Variants in AK4 observed in about 807,000 individuals in gnomAD.
AK4 encodes adenylate kinase 4, mitochondrial.
A neutral mutation model predicts 24.6 loss-of-function variants in AK4; 13 were observed. That is an observed-to-expected ratio of 0.53 (90% CI 0.34 to 0.84). AK4 has a LOEUF of 0.84. Among genes scored for constraint, AK4 ranks in the 40% least tolerant of loss-of-function variants. The pLI is 0.01. For missense variants in AK4, 192 were observed against 288.2 expected, an observed-to-expected ratio of 0.67 and a Z score of 2.42; for synonymous variants, 88 against 107.0, an observed-to-expected ratio of 0.82 and a Z score of 1.10.
At chr1:65,169,889 G>A (rs1307807217) in intron 1 of AK4, among the ~76,000 whole-genome samples, 1 of 151,984 alleles carries the variant, frequency 6.6e-6, no homozygotes, top group Non-Finnish European at 1.5e-5. Context: ...TCGGTTTTGT[G>A]TGTGTGTGTG....
chr1:65,224,714 C>G, intron 3 of AK4, 38 bp from the exon 4 acceptor site: 2 of 1,556,536 alleles, frequency 1.3e-6, no homozygotes, highest in East Asian at 2.3e-5. Context: ...AATGGCCCAA[C>G]TGTTGTCTAT....
chr1:65,150,240 T>C (rs2100973214), intron 1 of AK4, among the ~76,000 whole-genome samples: 1 of 151,940 alleles, frequency 6.6e-6, no homozygotes, highest in East Asian at 1.9e-4. Context: ...CTTTGAAAAT[T>C]TTCCATTTGC....
At chr1:65,204,403 A>G (rs1259334647) in intron 2 of AK4, among the ~76,000 whole-genome samples, 1 of 151,904 alleles carries the variant, frequency 6.6e-6, no homozygotes, top group Non-Finnish European at 1.5e-5. Context: ...GTTTCACCAT[A>G]TTGGGCAGGC....
At chr1:65,174,184 C>G (rs1650634212) in intron 1 of AK4, among the ~76,000 whole-genome samples, 1 of 152,082 alleles carries the variant, frequency 6.6e-6, no homozygotes, top group South Asian at 2.1e-4. Context: ...CCAAATAAAC[C>G]CTAGCCTTAC....
At chr1:65,151,193 G>A (rs2100975166) in intron 1 of AK4, among the ~76,000 whole-genome samples, 1 of 152,040 alleles carries the variant, frequency 6.6e-6, no homozygotes, top group South Asian at 2.1e-4. Context: ...TCGCGAACTC[G>A]GGACCTTAGA....
At chr1:65,159,379 C>G (rs1031387458) in intron 1 of AK4, among the ~76,000 whole-genome samples, 1 of 152,214 alleles carries the variant, frequency 6.6e-6, no homozygotes, top group South Asian at 2.1e-4. Context: ...CTAACTTGGT[C>G]AGGTACAGTG....
At chr1:65,149,382 C>T (rs951758545) in intron 1 of AK4, among the ~76,000 whole-genome samples, 1 of 152,170 alleles carries the variant, frequency 6.6e-6, no homozygotes, top group African/African-American at 2.4e-5. Context: ...CCCCTCTCCT[C>T]CCACTCCACG....
intron 1 of AK4, among the ~76,000 whole-genome samples, chr1:65,171,597 G>A (rs1020033079): frequency 6.6e-6 from 1 of 152,026 alleles, no homozygotes; most frequent in African/African-American, 2.4e-5. Context: ...GAGCCACTGT[G>A]CCCAGCCAAT....
At chr1:65,222,639 A>G (rs1652332596) in intron 3 of AK4, among the ~76,000 whole-genome samples, 2 of 152,208 alleles carry the variant, frequency 1.3e-5, no homozygotes, top group Non-Finnish European at 2.9e-5. Flanking sequence ...TAGAGGTAAT[A>G]TATTCTCCCA....
intron 2 of AK4, among the ~76,000 whole-genome samples, chr1:65,191,633 G>T (rs1440964581): frequency 6.6e-6 from 1 of 151,762 alleles, no homozygotes; most frequent in Non-Finnish European, 1.5e-5. Flanking sequence ...GCAAGCAGAG[G>T]TTGGCAGAGG....
intron 1 of AK4, among the ~76,000 whole-genome samples, chr1:65,181,374 C>T (rs1244251838): frequency 6.6e-6 from 1 of 151,246 alleles, no homozygotes; most frequent in African/African-American, 2.4e-5. Flanking sequence ...CATAAACCAG[C>T]AGGCTCCTAA....
rs900118172 is a variant in AK4, at chr1:65,197,668, G to A, written c.265+6839G>A. On this transcript the variant is annotated intron_variant, in intron 2 of 4. Coordinates refer to ENST00000327299, the MANE Select transcript of AK4 (RefSeq NM_013410.4). Reference sequence around the variant, plus strand: ...TCAGACTTGAGATGTTCCTGGCTACGCACTCACTTAGAGCCCTTGGTGTAG... The same window carrying A: ...TCAGACTTGAGATGTTCCTGGCTACACACTCACTTAGAGCCCTTGGTGTAG... Among the ~76,000 whole-genome samples, 5 of 152,302 alleles carry A rather than the reference G, an allele frequency of 3.3e-5. No individual in the cohort carries two copies. In the South Asian group the frequency reaches 6.2e-4, roughly 19 times the overall value.
rs772190068 is a variant in AK4 at position 65,148,458 on chromosome 1, C to T, written c.51C>T (p.Gly17=). The part of the protein sequence containing the change: ...RAVILGPPGS[G]KGTVCQRIAQ... ...TCATCCTCGGGCCGCCCGGCTCGGGCAAGGGCACCGTGTGCCAGAGGATCG... is the reference window on the plus strand; with the variant it reads ...TCATCCTCGGGCCGCCCGGCTCGGGTAAGGGCACCGTGTGCCAGAGGATCG... Residue 17 remains glycine (G), a synonymous_variant, in exon 1 of 5, where the codon GGC becomes GGT. Coordinates refer to ENST00000327299, the MANE Select transcript of AK4 (RefSeq NM_013410.4). 2.5e-6 allele frequency: 4 copies of T among 1,573,394 alleles called. No homozygotes were observed. The highest frequency in any genetic ancestry group is 2.3e-5 in the South Asian group (2 of 86,478).
At chr1:65,157,967 AC>A (rs1650033975) in intron 1 of AK4, among the ~76,000 whole-genome samples, 1 of 152,138 alleles carries the variant, frequency 6.6e-6, no homozygotes, top group Non-Finnish European at 1.5e-5. Context: ...GTCACAGCAT[AC>A]CTGAAACTCC....
intron 2 of AK4, among the ~76,000 whole-genome samples, chr1:65,206,042 C>G (rs1019729791): frequency 6.6e-6 from 1 of 152,212 alleles, no homozygotes; most frequent in Non-Finnish European, 1.5e-5. Context: ...ACAGATAACC[C>G]TTCCTCAGAA....
rs372030953 is a variant in AK4, at chr1:65,184,826, T to C, written c.146-5884T>C. ...CGGATATATTAAGGTCATTTTGCTT[T>C]GTCTGAGGATCTTTCTGGGTTTTCA... is the stretch of plus-strand genomic sequence containing the variant. On this transcript the variant is annotated intron_variant, in intron 1 of 4. Coordinates refer to ENST00000327299, the MANE Select transcript of AK4 (RefSeq NM_013410.4). 7.9e-5 allele frequency among the ~76,000 whole-genome samples: 12 copies of C among 152,338 alleles called. No homozygotes were observed. In the East Asian group the frequency reaches 2.3e-3, roughly 29 times the overall value.
intron 1 of AK4, among the ~76,000 whole-genome samples, chr1:65,156,460 T>TC (rs1453390000): frequency 6.6e-6 from 1 of 152,216 alleles, no homozygotes; most frequent in Non-Finnish European, 1.5e-5. Flanking sequence ...CTTTATTCTT[T>TC]TAAAAAGATA....
At chr1:65,225,740 G>T (rs1212923461) in intron 4 of AK4, among the ~76,000 whole-genome samples, 2 of 152,204 alleles carry the variant, frequency 1.3e-5, no homozygotes, top group East Asian at 3.9e-4. Context: ...ATAGGTTTTA[G>T]TAAAGCTTTT....
At chr1:65,167,537 C>T (rs1296534428) in intron 1 of AK4, among the ~76,000 whole-genome samples, 4 of 150,048 alleles carry the variant, frequency 2.7e-5, no homozygotes, top group Admixed American at 2.0e-4. Flanking sequence ...TAGCTTGGAG[C>T]ACAAAAAAAA....
Sources: allele counts gnomAD v4.1 joint callset (sites outside exome capture counted in the v4.1 genomes callset), GRCh38; gene constraint gnomAD v4.1.1; transcripts MANE v1.5; gene names NCBI Gene and HGNC (gene_info 2026-07-23, HGNC 2026-07-21).